KRT73: variants seen among roughly 807,000 people sequenced by gnomAD.
KRT73 encodes keratin 73, also known as keratin, type II cytoskeletal 73.
A neutral mutation model predicts 47.2 loss-of-function variants in KRT73; 44 were observed. The observed-to-expected ratio is 0.93, with a 90% CI of 0.73 to 1.20. KRT73 has a LOEUF of 1.20. KRT73 is among the 50% of genes most tolerant of loss of function. The probability of loss-of-function intolerance (pLI) is 0.00; values close to 1 mark genes in which losing one functional copy is unlikely to be tolerated. For synonymous variants in KRT73, 285 were observed against 291.3 expected (o/e 0.98, Z 0.22); for missense variants, 713 against 704.5 (o/e 1.01, Z -0.14).
chr12:52,620,558 CA>C (rs970294268), upstream of KRT73, among the ~76,000 whole-genome samples: 5 of 152,214 alleles, frequency 3.3e-5, no homozygotes, highest in African/African-American at 1.2e-4. Context: ...TTCAGGCCTG[CA>C]TCTCAGCAAA....
At chr12:52,610,456 G>A (rs1940671203) in intron 7 of KRT73, 159 bp downstream of exon 7, 1 of 712,056 alleles carries the variant, frequency 1.4e-6, no homozygotes. Flanking sequence ...AAAGGAAATT[G>A]CTGTCACATT....
upstream of KRT73, among the ~76,000 whole-genome samples, chr12:52,621,572 GC>G (rs1565632661): frequency 6.6e-6 from 1 of 152,154 alleles, no homozygotes; most frequent in Non-Finnish European, 1.5e-5. Flanking sequence ...CAGACTTGGG[GC>G]AGAAGAAGGC....
Position 52,608,059 on chromosome 12 carries a change from G to T in KRT73, c.*137C>A, listed in dbSNP as rs1940618636. 1.1e-6 allele frequency: 1 copy of T among 879,914 alleles called. No individual in the cohort carries two copies. Among genetic ancestry groups the T allele is most frequent in the Admixed American group, 2.5e-5 (1 of 39,506 alleles). 54.5% of individuals were successfully genotyped at this position (879,914 alleles called of 1,614,324 possible). A position where few individuals can be genotyped will look rare whatever the true frequency, so the allele number is the denominator to read the frequency against. Reference sequence around the variant, plus strand: ...ACAAAGACTGAGGCAGAGAGGTCAAGGAGAAGGAGGAGAGGTCCACAGCAA... The same window carrying T: ...ACAAAGACTGAGGCAGAGAGGTCAATGAGAAGGAGGAGAGGTCCACAGCAA... On this transcript the variant is annotated 3_prime_UTR_variant, in exon 9 of 9. Coordinates refer to ENST00000305748, the MANE Select transcript of KRT73 (RefSeq NM_175068.3).
chr12:52,613,623 A>G, intron 5 of KRT73, 65 bp downstream of exon 5: 1 of 1,592,830 alleles, frequency 6.3e-7, no homozygotes, highest in Non-Finnish European at 8.6e-7. Context: ...GTCATGGGGC[A>G]GACAAGACAG....
intron 5 of KRT73, chr12:52,611,543 A>G: frequency 1.7e-6 from 1 of 576,464 alleles, no homozygotes; most frequent in Non-Finnish European, 3.1e-6. Flanking sequence ...AGAATTGGCC[A>G]TAAGGACTGT....
intron 1 of KRT73, among the ~76,000 whole-genome samples, chr12:52,616,871 C>T (rs1163217778): frequency 2.0e-5 from 3 of 152,190 alleles, no homozygotes; most frequent in Admixed American, 6.5e-5. Flanking sequence ...CTGGGGTCTC[C>T]GGCCCTCCTA....
At chr12:52,615,045 G>C in intron 3 of KRT73, 2 of 536,570 alleles carry the variant, frequency 3.7e-6, no homozygotes, top group South Asian at 5.9e-5. Flanking sequence ...CCAGCCAGAG[G>C]GGACATGAGT....
In KRT73 at chr12:52,616,353, C is replaced by T. The variant is rs140591808; in HGVS notation, c.475G>A (p.Val159Met). ...KVRFLEQQNQVLETKWELLQQ... is the reference protein window; with the variant it reads ...KVRFLEQQNQMLETKWELLQQ... ...AGCAGCTCCCACTTGGTCTCCAGCA[C>T]CTGGTTCTGCTGCTCCAGGAACCGC... The change falls in exon 2 of 9, where the codon GTG becomes ATG. Residue 159 changes from valine (V) to methionine (M), a missense_variant. By Grantham distance (21) the Val-to-Met change is conservative (BLOSUM62 1). Coordinates refer to ENST00000305748, the MANE Select transcript of KRT73 (RefSeq NM_175068.3). 3.7e-6 allele frequency: 6 copies of T among 1,614,084 alleles called. No homozygotes were observed. In the African/African-American group the frequency reaches 8.0e-5, roughly 22 times the overall value.
intron 5 of KRT73, among the ~76,000 whole-genome samples, chr12:52,611,686 T>C (rs1032784851): frequency 6.6e-6 from 1 of 152,186 alleles, no homozygotes; most frequent in African/African-American, 2.4e-5. Flanking sequence ...CATTTCTTTC[T>C]GCCCTTGCCT....
chr12:52,613,334 G>A (rs1056074531), intron 5 of KRT73: 11 of 190,748 alleles, frequency 5.8e-5, no homozygotes, highest in South Asian at 1.4e-4. Flanking sequence ...GATAATTAGC[G>A]GGGGAGTTGA....
chr12:52,621,471 G>A (rs144164560), upstream of KRT73, among the ~76,000 whole-genome samples: 1,143 of 152,248 alleles, frequency 7.5e-3, 8 homozygotes, highest in African/African-American at 0.025. Flanking sequence ...ACTCTGAAGC[G>A]TAGAGAAGAA....
upstream of KRT73, chr12:52,618,678 T>C (rs1267263722): frequency 4.1e-6 from 3 of 737,078 alleles, no homozygotes; most frequent in African/African-American, 1.8e-5. Flanking sequence ...GAAATCATTT[T>C]CTCCCAGCAA....
chr12:52,618,445 C>G lies in KRT73; in HGVS notation c.80G>C (p.Gly27Ala). The G allele has an allele frequency of 6.2e-7, 1 of 1,614,020 alleles. No individual in the cohort carries two copies. The highest frequency in any genetic ancestry group is 8.5e-7 in the Non-Finnish European group (1 of 1,180,006). Reference protein sequence around the residue: ...FSGCSAVLSGGSSSSYRAGGK... With the variant: ...FSGCSAVLSGASSSSYRAGGK... ...CCCTGCTCGGTAGGAGGATGAGCTG[C>G]CCCCTGAGAGCACAGCGGAGCAGCC... Residue 27 changes from glycine to alanine, a missense_variant, in exon 1 of 9, where the codon GGC becomes GCC. Coordinates refer to ENST00000305748, the MANE Select transcript of KRT73 (RefSeq NM_175068.3).
intron 5 of KRT73, among the ~76,000 whole-genome samples, chr12:52,612,152 A>T (rs950963145): frequency 6.6e-6 from 1 of 152,182 alleles, no homozygotes; most frequent in Non-Finnish European, 1.5e-5. Context: ...CCTCCCTTTG[A>T]TACCTTAGCT....
chr12:52,618,518 G>T lies in KRT73; in HGVS notation c.7C>A (p.Arg3Ser), dbSNP rs76875855. The T allele has an allele frequency of 1.3e-6, 2 of 1,597,616 alleles. No individual in the cohort carries two copies. The highest frequency in any genetic ancestry group is 8.5e-7 in the Non-Finnish European group (1 of 1,171,418). MSRQFTYKSGAAA... is the reference protein window; with the variant it reads MSSQFTYKSGAAA... ...GCTCCCGACTTGTAGGTGAATTGGC[G>T]GCTCATGGTGGGGAGGCCAGAAAGT... is the stretch of plus-strand genomic sequence containing the variant. The change falls in exon 1 of 9, where the codon CGC (arginine) becomes AGC (serine). Residue 3 changes from arginine (R) to serine (S), a missense_variant. Arg to Ser is a moderately radical substitution (Grantham distance 110, BLOSUM62 -1). Coordinates refer to ENST00000305748, the MANE Select transcript of KRT73 (RefSeq NM_175068.3).
At chr12:52,616,571 C>T (rs769908819) in intron 1 of KRT73, among the ~76,000 whole-genome samples, 191 bp from the exon 2 acceptor site, 5 of 152,210 alleles carry the variant, frequency 3.3e-5, no homozygotes, top group Admixed American at 1.3e-4. Context: ...AGTTCTCACT[C>T]TGAGGCAGCC....
At chr12:52,624,808 G>A in the KRT73 span, among the ~76,000 whole-genome samples, 1 of 77,780 alleles carries the variant, frequency 1.3e-5, no homozygotes, top group Non-Finnish European at 2.4e-5. Flanking sequence ...AAGCACAAGC[G>A]ACAACAAAAC....
At chr12:52,612,860 T>C (rs186162209) in intron 5 of KRT73, 179 of 152,326 alleles carry the variant, frequency 1.2e-3, no homozygotes, top group African/African-American at 3.8e-3. Context: ...GGGCCCTACG[T>C]TCTTTATCTT....
intron 4 of KRT73, 96 bp from the exon 5 acceptor site, chr12:52,613,948 CCA>C: frequency 6.6e-7 from 1 of 1,515,006 alleles, no homozygotes; most frequent in Non-Finnish European, 8.9e-7. Context: ...CTAGACCATC[CCA>C]CACAGATGGA....
Sources: gnomAD v4.1 joint callset for allele counts (sites outside exome capture counted in the v4.1 genomes callset) on GRCh38, gnomAD v4.1.1 for gene constraint, MANE v1.5 for transcripts, NCBI Gene and HGNC (gene_info 2026-07-23, HGNC 2026-07-21) for gene names.